The following EXT1 variants were observed in gnomAD, a reference collection of about 807,000 sequenced individuals.
The protein encoded by EXT1 is exostosin-1.
A neutral mutation model predicts 82.5 loss-of-function variants in EXT1; 20 were observed. The observed-to-expected ratio is 0.24, with a 90% CI of 0.17 to 0.35. The LOEUF (loss-of-function observed/expected upper bound fraction) is 0.35, where lower values mean the gene tolerates loss of function less well. Among genes scored for constraint, EXT1 ranks in the 10% least tolerant of loss-of-function variants. The probability of loss-of-function intolerance (pLI) is 1.00; values close to 1 mark genes in which losing one functional copy is unlikely to be tolerated. For missense variants in EXT1, 757 were observed against 936.5 expected, an observed-to-expected ratio of 0.81 and a Z score of 2.50; for synonymous variants, 348 against 350.8, an observed-to-expected ratio of 0.99 and a Z score of 0.09.
chr8:118,102,945 G>A (rs192183548), intron 1 of EXT1, among the ~76,000 whole-genome samples: 42 of 152,126 alleles, frequency 2.8e-4, no homozygotes, highest in East Asian at 9.7e-4. Context: ...ACCGAAGGTC[G>A]GGAGTTCGAG....
At chr8:117,818,279 T>C (rs919871257) in intron 7 of EXT1, among the ~76,000 whole-genome samples, 156 bp downstream of exon 7, 7 of 152,176 alleles carry the variant, frequency 4.6e-5, no homozygotes, top group African/African-American at 9.7e-5. Flanking sequence ...TGAAAGCCTA[T>C]TGTGGTCAAA....
intron 10 of EXT1, among the ~76,000 whole-genome samples, chr8:117,801,315 T>TA (rs910084248): frequency 6.6e-6 from 1 of 151,354 alleles, no homozygotes; most frequent in Non-Finnish European, 1.5e-5. Context: ...TTAAGAAAGT[T>TA]AGAGTTATTT....
chr8:117,994,385 A>C (rs576678165), intron 1 of EXT1, among the ~76,000 whole-genome samples: 14 of 152,282 alleles, frequency 9.2e-5, no homozygotes, highest in Admixed American at 9.2e-4. Context: ...GCTGAGCCAG[A>C]TGGATCACTT....
chr8:118,107,172 T>C (rs1049168699), intron 1 of EXT1, among the ~76,000 whole-genome samples: 4 of 152,206 alleles, frequency 2.6e-5, no homozygotes, highest in Admixed American at 6.5e-5. Flanking sequence ...TATTTGTATA[T>C]ACTCTAACTT....
intron 1 of EXT1, among the ~76,000 whole-genome samples, chr8:118,106,567 T>C (rs536715397): frequency 5.7e-4 from 87 of 152,318 alleles, no homozygotes; most frequent in South Asian, 2.7e-3. Context: ...CAATCTTGCC[T>C]GTTTCCAGAA....
intron 7 of EXT1, among the ~76,000 whole-genome samples, chr8:117,813,810 A>G (rs1207407597): frequency 6.6e-6 from 1 of 152,142 alleles, no homozygotes; most frequent in Admixed American, 6.5e-5. Flanking sequence ...GTTCAAGACC[A>G]GCCTGACCAA....
At chr8:118,032,613 C>A (rs1403676148) in intron 1 of EXT1, among the ~76,000 whole-genome samples, 1 of 151,448 alleles carries the variant, frequency 6.6e-6, no homozygotes, top group African/African-American at 2.4e-5. Context: ...CAGGTTCAGG[C>A]AATTCATCTG....
At chr8:118,093,375 C>G (rs1482833634) in intron 1 of EXT1, among the ~76,000 whole-genome samples, 1 of 151,520 alleles carries the variant, frequency 6.6e-6, no homozygotes, top group Non-Finnish European at 1.5e-5. Flanking sequence ...TGCTTCCTGT[C>G]TTGAGCCAAG....
intron 1 of EXT1, among the ~76,000 whole-genome samples, chr8:117,889,413 T>C (rs1005299426): frequency 1.3e-5 from 2 of 152,250 alleles, no homozygotes; most frequent in African/African-American, 4.8e-5. Flanking sequence ...CTCTCTGCTC[T>C]ATAGCCTGTA....
intron 1 of EXT1, among the ~76,000 whole-genome samples, chr8:117,939,880 GAAAA>G (rs1814240329): frequency 6.6e-6 from 1 of 152,124 alleles, no homozygotes; most frequent in African/African-American, 2.4e-5. Flanking sequence ...ACAATAAATA[GAAAA>G]GAAGAAACAG....
intron 7 of EXT1, among the ~76,000 whole-genome samples, chr8:117,818,028 C>CAGATTA (rs2129735534): frequency 6.6e-6 from 1 of 152,294 alleles, no homozygotes; most frequent in African/African-American, 2.4e-5. Context: ...ATAGCTCATT[C>CAGATTA]AGATTAATCA....
chr8:117,984,788 T>C (rs532739201), intron 1 of EXT1, among the ~76,000 whole-genome samples: 2 of 152,038 alleles, frequency 1.3e-5, no homozygotes, highest in Non-Finnish European at 2.9e-5. Context: ...TGGACAGGAT[T>C]TGAAAGAGTC....
intron 1 of EXT1, among the ~76,000 whole-genome samples, chr8:117,854,998 T>C (rs183073354): frequency 7.2e-5 from 11 of 152,356 alleles, no homozygotes; most frequent in African/African-American, 2.6e-4. Context: ...ATTCAAATAA[T>C]GAACTACTAA....
chr8:117,972,768 A>G (rs914092244), intron 1 of EXT1, among the ~76,000 whole-genome samples: 2 of 152,156 alleles, frequency 1.3e-5, no homozygotes, highest in Non-Finnish European at 2.9e-5. Context: ...TCCTTCTCAC[A>G]TGGTGGTGGT....
At chr8:118,054,759 T>G (rs1816769750) in intron 1 of EXT1, among the ~76,000 whole-genome samples, 1 of 152,082 alleles carries the variant, frequency 6.6e-6, no homozygotes, top group Non-Finnish European at 1.5e-5. Context: ...ACAGTTAAGC[T>G]CACATACATC....
At chr8:117,809,664 A>G (rs1185247815) in intron 8 of EXT1, among the ~76,000 whole-genome samples, 1 of 151,992 alleles carries the variant, frequency 6.6e-6, no homozygotes, top group Non-Finnish European at 1.5e-5. Flanking sequence ...AGAGCGGGGA[A>G]AAAACCCGGG....
In EXT1 at chr8:117,858,762, A is replaced by AGGCAGGCAGGC. The variant is rs1563581999; in HGVS notation, c.963-21562_963-21561insGCCTGCCTGCC. Among the ~76,000 whole-genome samples the AGGCAGGCAGGC allele has an allele frequency of 1.2e-3, 60 of 50,242 alleles. 1 individual carries two copies. The highest frequency in any genetic ancestry group is 8.8e-3 in the Middle Eastern group (1 of 114). The allele number at this position is 50,242 out of a possible 152,430, so 33.0% of individuals were successfully genotyped here. Reference sequence around the variant, plus strand: ...GAAGGAAGGAAGGAAGGAAGGAAGGAAGGAAGGCAGGCAGGCAGGCAGGCA... The same window carrying AGGCAGGCAGGC: ...GAAGGAAGGAAGGAAGGAAGGAAGGAGGCAGGCAGGCAGGAAGGCAGGCAGGCAGGCAGGCA... On this transcript the variant is annotated intron_variant, in intron 1 of 10. Transcript: ENST00000378204.
intron 1 of EXT1, among the ~76,000 whole-genome samples, chr8:117,915,681 C>G (rs564816020): frequency 1.6e-3 from 248 of 152,186 alleles, no homozygotes; most frequent in South Asian, 3.1e-3. Context: ...ATGGCAAAAC[C>G]CTGTCTCTGC....
chr8:117,899,450 T>A (rs1490290996), intron 1 of EXT1, among the ~76,000 whole-genome samples: 1 of 152,206 alleles, frequency 6.6e-6, no homozygotes, highest in African/African-American at 2.4e-5. Flanking sequence ...GTATAAATAA[T>A]TAGGCAATCT....
Sources: gnomAD v4.1 joint callset for allele counts (sites outside exome capture counted in the v4.1 genomes callset) on GRCh38, gnomAD v4.1.1 for gene constraint, MANE v1.5 for transcripts, NCBI Gene and HGNC (gene_info 2026-07-23, HGNC 2026-07-21) for gene names.